ZNF487: variants seen among roughly 807,000 people sequenced by gnomAD.
ZNF487 encodes the protein KRAB domain only 1.
Under a neutral mutation model 3.0 loss-of-function variants are expected in ZNF487, and 4 were observed. The ratio of observed to expected loss-of-function variants is 1.35; its 90% CI spans 0.66 to 3.08. ZNF487 has a LOEUF of 3.08. ZNF487 is among the 30% of genes most tolerant of loss of function. ZNF487 has a pLI of 0.01. For missense variants in ZNF487, 146 were observed against 98.7 expected (o/e 1.48, Z -2.03); for synonymous variants, 55 against 34.6 (o/e 1.59, Z -2.06).
chr10:43,459,768 TTTATTATTATTATTATTATTATTA>T (rs71016770), intron 1 of ZNF487, among the ~76,000 whole-genome samples: 3 of 138,336 alleles, frequency 2.2e-5, no homozygotes, highest in Non-Finnish European at 4.6e-5. Context: ...AGGCTGTGAG[TTTATTATTATTATTATTATTATTA>T]TTATTATTAT....
intron 1 of ZNF487, among the ~76,000 whole-genome samples, chr10:43,460,078 A>G (rs1047450513): frequency 6.6e-6 from 1 of 151,998 alleles, no homozygotes; most frequent in Non-Finnish European, 1.5e-5. Context: ...CTGGGATTAT[A>G]GGCATGAGCC....
At chr10:43,520,000 TATA>T in the ZNF487 span, among the ~76,000 whole-genome samples, 2 of 152,226 alleles carry the variant, frequency 1.3e-5, no homozygotes, top group Admixed American at 6.5e-5. Context: ...ACCTTGCATA[TATA>T]ATAAAGTCTT....
At chr10:43,471,598 T>C (rs758559647) in intron 1 of ZNF487, among the ~76,000 whole-genome samples, 7 of 152,172 alleles carry the variant, frequency 4.6e-5, no homozygotes, top group African/African-American at 9.7e-5. Context: ...GAGAATTTTA[T>C]TGAGCAATGA....
At chr10:43,497,278 G>C in the ZNF487 span, among the ~76,000 whole-genome samples, 1 of 152,222 alleles carries the variant, frequency 6.6e-6, no homozygotes, top group Non-Finnish European at 1.5e-5. Flanking sequence ...TGTTTTGGAG[G>C]AGACTAAAAT....
intron 3 of ZNF487, among the ~76,000 whole-genome samples, chr10:43,481,120 G>A (rs1841335229): frequency 6.6e-6 from 1 of 151,810 alleles, no homozygotes; most frequent in Non-Finnish European, 1.5e-5. Context: ...TGGGCAACAG[G>A]AGTTTGACAC....
chr10:43,441,020 C>A lies in ZNF487; in HGVS notation c.-94+3758C>A, dbSNP rs1034482209. On this transcript the variant is annotated intron_variant, in intron 1 of 3. Coordinates refer to ENST00000437590, the MANE Select transcript of ZNF487 (RefSeq NM_001355444.3). ...TAGCTAGGACCACAGGTAAATGCTA[C>A]CACACCTGGTTAAATTTTTTTTTTT... 9.2e-4 allele frequency among the ~76,000 whole-genome samples: 127 copies of A among 137,860 alleles called. 3 individuals carry two copies. Among genetic ancestry groups the A allele is most frequent in the Non-Finnish European group, 6.8e-4 (45 of 66,466 alleles). 90.4% of individuals were successfully genotyped at this position (137,860 alleles called of 152,430 possible).
the ZNF487 span, among the ~76,000 whole-genome samples, chr10:43,491,357 T>C: frequency 6.6e-6 from 1 of 151,722 alleles, no homozygotes; most frequent in African/African-American, 2.4e-5. Context: ...TTATTCTTTG[T>C]GTCCTGTTCT....
the ZNF487 span, among the ~76,000 whole-genome samples, chr10:43,499,487 G>A: frequency 6.6e-6 from 1 of 152,124 alleles, no homozygotes; most frequent in Non-Finnish European, 1.5e-5. Flanking sequence ...TGTGATCACA[G>A]CTCACTCAAG....
chr10:43,494,405 C>T, the ZNF487 span, among the ~76,000 whole-genome samples: 13 of 152,144 alleles, frequency 8.5e-5, no homozygotes, highest in Non-Finnish European at 1.9e-4. Context: ...CCAGATTTGG[C>T]TGTGAATTGC....
chr10:43,458,595 TAAAAACA>T lies in ZNF487; in HGVS notation c.-93-17104_-93-17098del, dbSNP rs375266583. ...TTTCCTTTCACCCTGGAAAGCCCCT[TAAAAACA>T]AAAAACAAAAAACAAAAAACAGTTC... On this transcript the variant is annotated intron_variant, in intron 1 of 3. Coordinates refer to ENST00000437590, the MANE Select transcript of ZNF487 (RefSeq NM_001355444.3). Among the ~76,000 whole-genome samples, 802 of 152,112 alleles carry T rather than the reference TAAAAACA, an allele frequency of 5.3e-3. 1 individual carries two copies. Among genetic ancestry groups the T allele is most frequent in the Non-Finnish European group, 7.7e-3 (523 of 67,998 alleles).
chr10:43,509,050 T>A, the ZNF487 span, among the ~76,000 whole-genome samples: 1 of 139,630 alleles, frequency 7.2e-6, no homozygotes, highest in Non-Finnish European at 1.6e-5. Flanking sequence ...AAAAATTAGC[T>A]AGGCATGGTG....
intron 1 of ZNF487, among the ~76,000 whole-genome samples, chr10:43,447,866 T>A (rs1589024021): frequency 6.6e-6 from 1 of 152,268 alleles, no homozygotes; most frequent in South Asian, 2.1e-4. Flanking sequence ...TTTTTCCTTG[T>A]AGCACATTCT....
At chr10:43,463,127 G>A (rs761088630) in intron 1 of ZNF487, among the ~76,000 whole-genome samples, 4 of 151,982 alleles carry the variant, frequency 2.6e-5, no homozygotes, top group Admixed American at 6.6e-5. Flanking sequence ...CCAGCTGCTC[G>A]GGAGGCTGTG....
rs1174364325 is a variant in ZNF487, at chr10:43,482,492, CTATGAATGT to C, written c.*571_*579del. On this transcript the variant is annotated 3_prime_UTR_variant, in exon 4 of 4. Transcript: ENST00000437590. The stretch of plus-strand genomic sequence containing the variant: ...TCAAAGAACACACACGGGACAAAAC[CTATGAATGT>C]AATGAATGTGGAAAAAACTTCTGTG... The C allele has an allele frequency of 1.5e-5, 7 of 473,738 alleles. No homozygotes were observed. The highest frequency in any genetic ancestry group is 1.4e-4 in the African/African-American group (7 of 50,262). The allele number at this position is 473,738 out of a possible 1,614,324, so 29.3% of individuals were successfully genotyped here. A position where few individuals can be genotyped will look rare whatever the true frequency, so the allele number is the denominator to read the frequency against.
chr10:43,506,640 G>A, the ZNF487 span, among the ~76,000 whole-genome samples: 1 of 152,136 alleles, frequency 6.6e-6, no homozygotes, highest in Non-Finnish European at 1.5e-5. Context: ...GGGGAATAAA[G>A]CTCTCTTGAT....
chr10:43,505,955 T>G, the ZNF487 span, among the ~76,000 whole-genome samples: 2 of 152,256 alleles, frequency 1.3e-5, no homozygotes, highest in African/African-American at 4.8e-5. Flanking sequence ...TTTTATGTTT[T>G]TTAAACCACA....
At chr10:43,494,273 T>C in the ZNF487 span, among the ~76,000 whole-genome samples, 1 of 152,178 alleles carries the variant, frequency 6.6e-6, no homozygotes, top group Non-Finnish European at 1.5e-5. Flanking sequence ...GACACTGAAA[T>C]TTGAATTTTG....
At chr10:43,505,529 C>T in the ZNF487 span, among the ~76,000 whole-genome samples, 7 of 151,972 alleles carry the variant, frequency 4.6e-5, no homozygotes, top group East Asian at 1.9e-4. Flanking sequence ...GTGATCTGCC[C>T]GCTTTGGCCT....
chr10:43,493,997 C>T, the ZNF487 span, among the ~76,000 whole-genome samples: 2 of 149,690 alleles, frequency 1.3e-5, no homozygotes, highest in Non-Finnish European at 3.0e-5. Flanking sequence ...CGCCACTGCA[C>T]TCCAGCTTAG....
Sources: gnomAD v4.1 joint callset for allele counts (sites outside exome capture counted in the v4.1 genomes callset) on GRCh38, gnomAD v4.1.1 for gene constraint, MANE v1.5 for transcripts, NCBI Gene and HGNC (gene_info 2026-07-23, HGNC 2026-07-21) for gene names.